Variants in ATP9B observed in about 807,000 individuals in gnomAD.
The protein encoded by ATP9B is ATPase phospholipid transporting 9B.
A neutral mutation model predicts 146.1 loss-of-function variants in ATP9B; 110 were observed. That is an observed-to-expected ratio of 0.75 (90% confidence interval 0.65 to 0.88). The LOEUF (loss-of-function observed/expected upper bound fraction) is 0.88. ATP9B is among the 40% of genes least tolerant of loss of function. The pLI, the probability that ATP9B is intolerant of heterozygous loss-of-function variation, is 0.00. For missense variants in ATP9B, 1,499 were observed against 1,496.4 expected (o/e 1.00, Z -0.03); for synonymous variants, 604 against 569.7 (o/e 1.06, Z -0.86).
At chr18:79,355,701 T>C (rs112636217) in intron 25 of ATP9B, among the ~76,000 whole-genome samples, 4,786 of 152,254 alleles carry the variant, frequency 0.031, 276 homozygotes, top group African/African-American at 0.11. Context: ...AGGGCAGGGC[T>C]AGGAACTTAC....
chr18:79,288,753 C>T (rs1404095439), intron 13 of ATP9B, among the ~76,000 whole-genome samples: 1 of 152,148 alleles, frequency 6.6e-6, no homozygotes. Context: ...CGGCTGGTAC[C>T]AGTTGTTCCT....
At chr18:79,080,491 C>T (rs539698129) in intron 1 of ATP9B, among the ~76,000 whole-genome samples, 44 of 152,110 alleles carry the variant, frequency 2.9e-4, no homozygotes, top group African/African-American at 9.9e-4. Context: ...ATTTTGTATC[C>T]TGAGACTTTG....
intron 11 of ATP9B, among the ~76,000 whole-genome samples, chr18:79,248,121 A>G (rs2095986751): frequency 6.6e-6 from 1 of 152,246 alleles, no homozygotes; most frequent in Admixed American, 6.5e-5. Context: ...ATAATGGCTC[A>G]GCCACATCTA....
In ATP9B at chr18:79,342,331, G is replaced by C. The variant is rs750636267; in HGVS notation, c.2347G>C (p.Val783Leu). The change falls in exon 20 of 30, where the codon GTG becomes CTG. Residue 783 changes from valine (V) to leucine (L), a missense_variant. Val to Leu is a conservative substitution (Grantham distance 32). Coordinates refer to ENST00000426216, the MANE Select transcript of ATP9B (RefSeq NM_198531.5). The stretch of plus-strand genomic sequence containing the variant: ...CTGCATTGCCAAAAGTTCACATCTC[G>C]TGTCTAGAACACAAGATATTCATAT... ...ATCIAKSSHL[V>L]SRTQDIHIFR... The C allele has an allele frequency of 9.9e-6, 16 of 1,613,550 alleles. No individual in the cohort carries two copies. Among genetic ancestry groups the C allele is most frequent in the Non-Finnish European group, 1.4e-5 (16 of 1,179,658 alleles).
At position 79,119,827 on chromosome 18, in the gene ATP9B, C is replaced by A. The variant is rs9950825; in HGVS notation, c.559-6440C>A. 9.7e-3 allele frequency among the ~76,000 whole-genome samples: 1,476 copies of A among 152,260 alleles called. 18 individuals carry two copies. Among genetic ancestry groups the A allele is most frequent in the African/African-American group, 0.033 (1,366 of 41,570 alleles). ...ATATGCATCTTAACCTTTGATTGAG[C>A]AAACCTCTTAAAAAGTTGATGTACA... is the stretch of plus-strand genomic sequence containing the variant. On this transcript the variant is annotated intron_variant, in intron 4 of 29. Transcript: ENST00000426216.
chr18:79,214,961 A>C (rs1368273730), intron 11 of ATP9B, among the ~76,000 whole-genome samples: 1 of 151,938 alleles, frequency 6.6e-6, no homozygotes, highest in East Asian at 1.9e-4. Flanking sequence ...CAGCCTGGCC[A>C]ACATGGTGAA....
At chr18:79,083,884 G>T (rs1186180845) in intron 1 of ATP9B, among the ~76,000 whole-genome samples, 1 of 144,850 alleles carries the variant, frequency 6.9e-6, no homozygotes, top group Non-Finnish European at 1.5e-5. Flanking sequence ...TTTTTTTTGA[G>T]AGGGAGTCTT....
At chr18:79,343,072 C>T (rs1053915898) in intron 20 of ATP9B, among the ~76,000 whole-genome samples, 16 of 152,116 alleles carry the variant, frequency 1.1e-4, no homozygotes, top group African/African-American at 3.9e-4. Flanking sequence ...TCTGTGTCTG[C>T]GTCTGTTCTA....
At chr18:79,224,331 G>A (rs1391547639) in intron 11 of ATP9B, among the ~76,000 whole-genome samples, 1 of 152,198 alleles carries the variant, frequency 6.6e-6, no homozygotes, top group East Asian at 1.9e-4. Flanking sequence ...CATGCCCCGT[G>A]ATTTCTGACG....
chr18:79,161,960 C>G (rs990645506), intron 7 of ATP9B, among the ~76,000 whole-genome samples: 1 of 152,098 alleles, frequency 6.6e-6, no homozygotes, highest in Non-Finnish European at 1.5e-5. Flanking sequence ...ATCAAGAATT[C>G]TTAGCTTTAG....
intron 9 of ATP9B, 47 bp downstream of exon 9, chr18:79,193,310 T>A: frequency 7.0e-7 from 1 of 1,436,106 alleles, no homozygotes; most frequent in Non-Finnish European, 9.7e-7. Context: ...TTGTGTAAGT[T>A]AAAAGTAGCA....
intron 5 of ATP9B, among the ~76,000 whole-genome samples, chr18:79,143,184 A>G (rs889230452): frequency 2.0e-5 from 3 of 152,116 alleles, no homozygotes; most frequent in South Asian, 2.1e-4. Flanking sequence ...ACATTCATCT[A>G]CTCTACATCA....
chr18:79,215,006 G>A lies in ATP9B; in HGVS notation c.1107+968G>A, dbSNP rs1412019492. ...CTACCAGAAATACAAAAATTAGCTGGGCATGATGACGGGTGCCTGTAGTCC... is the reference window on the plus strand; with the variant it reads ...CTACCAGAAATACAAAAATTAGCTGAGCATGATGACGGGTGCCTGTAGTCC... On this transcript the variant is annotated intron_variant, in intron 11 of 29. Transcript: ENST00000426216. Among the ~76,000 whole-genome samples the A allele has an allele frequency of 3.3e-5, 5 of 151,988 alleles. No homozygotes were observed. The East Asian group carries it at 7.7e-4, about 23-fold the overall frequency.
At chr18:79,337,477 G>A (rs781465184) in intron 19 of ATP9B, 28 bp downstream of exon 19, 42 of 1,594,472 alleles carry the variant, frequency 2.6e-5, no homozygotes, top group South Asian at 1.2e-4. Context: ...CTGCTGGCGC[G>A]CGCTGCTTTT....
intron 13 of ATP9B, among the ~76,000 whole-genome samples, chr18:79,283,321 A>G (rs2096399467): frequency 6.6e-6 from 1 of 152,156 alleles, no homozygotes; most frequent in Admixed American, 6.5e-5. Context: ...CAGTTTGCAG[A>G]TATCTTCCAA....
chr18:79,329,919 G>T, intron 16 of ATP9B, 93 bp from the exon 17 acceptor site: 1 of 1,152,260 alleles, frequency 8.7e-7, no homozygotes, highest in Non-Finnish European at 1.3e-6. Flanking sequence ...CATAGGAATT[G>T]CTTTTTCCAT....
At position 79,130,020 on chromosome 18, in the gene ATP9B, G is replaced by A. The variant is rs560751562; in HGVS notation, c.667+3645G>A. Among the ~76,000 whole-genome samples, 7 of 152,234 alleles carry A rather than the reference G, an allele frequency of 4.6e-5. No individual in the cohort carries two copies. In the South Asian group the frequency reaches 1.5e-3, roughly 32 times the overall value. On this transcript the variant is annotated intron_variant, in intron 5 of 29. Transcript: ENST00000426216. ...GCCTCCCAAAGTGCTGGGATTACAG[G>A]TGTGAGCCACTGCACCCGGCGTATG...
intron 7 of ATP9B, among the ~76,000 whole-genome samples, chr18:79,173,454 G>T (rs1419615051): frequency 3.4e-5 from 5 of 148,662 alleles, no homozygotes; most frequent in Admixed American, 6.7e-5. Context: ...TGTCCTAAAA[G>T]TTTTACATTG....
chr18:79,225,432 G>A (rs1158739796), intron 11 of ATP9B, among the ~76,000 whole-genome samples: 1 of 152,186 alleles, frequency 6.6e-6, no homozygotes, highest in Non-Finnish European at 1.5e-5. Context: ...AACTCCAAAA[G>A]ATTAAGTAAA....
Sources: allele counts gnomAD v4.1 joint callset (sites outside exome capture counted in the v4.1 genomes callset), GRCh38; gene constraint gnomAD v4.1.1; transcripts MANE v1.5; gene names NCBI Gene and HGNC (gene_info 2026-07-23, HGNC 2026-07-21).